Variants in PKIB observed in about 807,000 individuals in gnomAD.
PKIB encodes PKI-beta.
In PKIB, 2 loss-of-function variants were observed where a neutral mutation model predicts 4.5. The observed-to-expected ratio is 0.44, with a 90% CI of 0.18 to 1.39. The LOEUF (loss-of-function observed/expected upper bound fraction) is 1.39. Ranked by LOEUF, PKIB falls within the 40% of genes most tolerant of loss-of-function variation. The pLI, the probability that PKIB is intolerant of heterozygous loss-of-function variation, is 0.27. For synonymous variants in PKIB, 38 were observed against 36.0 expected, an observed-to-expected ratio of 1.06 and a Z score of -0.20; for missense variants, 94 against 92.6, an observed-to-expected ratio of 1.02 and a Z score of -0.06.
intron 3 of PKIB, among the ~76,000 whole-genome samples, chr6:122,700,073 A>G (rs553856469): frequency 1.3e-5 from 2 of 152,290 alleles, no homozygotes; most frequent in South Asian, 4.1e-4. Context: ...GAGGCACAAA[A>G]GCCAATCAGT....
intron 4 of PKIB, among the ~76,000 whole-genome samples, chr6:122,723,446 T>C (rs1204257506): frequency 6.6e-6 from 1 of 152,128 alleles, no homozygotes; most frequent in Non-Finnish European, 1.5e-5. Context: ...TTGCCAAAAA[T>C]ATTGGAATCA....
chr6:122,650,003 T>G (rs1776485726), intron 2 of PKIB, among the ~76,000 whole-genome samples: 2 of 152,162 alleles, frequency 1.3e-5, no homozygotes, highest in Admixed American at 1.3e-4. Flanking sequence ...CTTATTTGGG[T>G]ACCCACCTAA....
At position 122,602,589 on chromosome 6, in the gene PKIB, C is replaced by T. The variant is rs540496107; in HGVS notation, c.-161+16582C>T. Among the ~76,000 whole-genome samples the T allele has an allele frequency of 1.1e-4, 17 of 151,908 alleles. No homozygotes were observed. In the East Asian group the frequency reaches 3.3e-3, roughly 29 times the overall value. On this transcript the variant is annotated intron_variant, in intron 3 of 6. Coordinates refer to the PKIB transcript ENST00000392491. ...AAGGGTAATTCCTTACAAAAAAAGA[C>T]AAAAAACAAACTAACAAAAAATCCT...
chr6:122,485,067 T>C (rs1454219878), intron 2 of PKIB, among the ~76,000 whole-genome samples: 1 of 152,188 alleles, frequency 6.6e-6, no homozygotes, highest in Non-Finnish European at 1.5e-5. Context: ...TTTTTTGGCC[T>C]ATAAATCTGC....
At chr6:122,553,935 G>A (rs1772764224) in intron 2 of PKIB, among the ~76,000 whole-genome samples, 2 of 152,194 alleles carry the variant, frequency 1.3e-5, no homozygotes, top group African/African-American at 4.8e-5. Flanking sequence ...AATAAATCAT[G>A]TGAATGGAGC....
At chr6:122,591,631 T>C (rs1442804148) in intron 3 of PKIB, among the ~76,000 whole-genome samples, 1 of 152,230 alleles carries the variant, frequency 6.6e-6, no homozygotes, top group Admixed American at 6.5e-5. Context: ...TCTAAGCATC[T>C]TTCATTTTGT....
chr6:122,709,631 T>C (rs1437633458), intron 3 of PKIB, among the ~76,000 whole-genome samples: 1 of 152,184 alleles, frequency 6.6e-6, no homozygotes, highest in Non-Finnish European at 1.5e-5. Flanking sequence ...AATATGTGGC[T>C]ACTTAAAGTA....
chr6:122,501,961 A>AT (rs925295544), intron 2 of PKIB, among the ~76,000 whole-genome samples: 5 of 86,648 alleles, frequency 5.8e-5, no homozygotes, highest in South Asian at 3.5e-4. Context: ...ATTTTATTTT[A>AT]TTTTTTTCGA....
chr6:122,665,482 C>T (rs1777181840), intron 2 of PKIB, among the ~76,000 whole-genome samples: 2 of 152,020 alleles, frequency 1.3e-5, no homozygotes, highest in Admixed American at 6.6e-5. Context: ...GAATAAGATC[C>T]TTCTAATGCA....
chr6:122,637,754 CA>C (rs35786177), intron 2 of PKIB, among the ~76,000 whole-genome samples: 46,809 of 117,996 alleles, frequency 0.4, 7,877 homozygotes, highest in Middle Eastern at 0.49. Flanking sequence ...GACTCCGTCT[CA>C]AAAAAAAAAA....
intron 3 of PKIB, among the ~76,000 whole-genome samples, chr6:122,596,253 A>T (rs189572464): frequency 1.3e-5 from 2 of 152,306 alleles, no homozygotes; most frequent in Admixed American, 6.5e-5. Flanking sequence ...CCAGCCTGTC[A>T]TGCAGAACCA....
rs138581080 is a variant in PKIB at position 122,674,671 on chromosome 6, A to G, written c.-75-407A>G. Among the ~76,000 whole-genome samples, 517 of 152,290 alleles carry G rather than the reference A, an allele frequency of 3.4e-3. 1 individual carries two copies. Among genetic ancestry groups the G allele is most frequent in the Non-Finnish European group, 5.9e-3 (402 of 68,020 alleles). On this transcript the variant is annotated intron_variant, in intron 2 of 4. Transcript: ENST00000368452. ...AGATTCTCTACAATTATATTCTCAAAGTCTGGTGTGTTTCTACAAACTTCC... is the reference window on the plus strand; with the variant it reads ...AGATTCTCTACAATTATATTCTCAAGGTCTGGTGTGTTTCTACAAACTTCC...
intron 2 of PKIB, among the ~76,000 whole-genome samples, chr6:122,585,078 A>T (rs1773812670): frequency 6.6e-6 from 1 of 152,032 alleles, no homozygotes; most frequent in Non-Finnish European, 1.5e-5. Context: ...ATATGACTGC[A>T]GGACTGCCTC....
chr6:122,575,254 G>C (rs1297193416), intron 2 of PKIB, among the ~76,000 whole-genome samples: 2 of 152,102 alleles, frequency 1.3e-5, no homozygotes, highest in Non-Finnish European at 2.9e-5. Context: ...AAAAACAATA[G>C]ATGTTGGCAT....
At chr6:122,676,710 A>G (rs1456627734) in intron 3 of PKIB, among the ~76,000 whole-genome samples, 1 of 152,198 alleles carries the variant, frequency 6.6e-6, no homozygotes, top group African/African-American at 2.4e-5. Flanking sequence ...AATAAAACTG[A>G]CCAACAGGAA....
intron 2 of PKIB, among the ~76,000 whole-genome samples, chr6:122,651,835 C>T (rs1776567424): frequency 6.6e-6 from 1 of 152,234 alleles, no homozygotes; most frequent in East Asian, 1.9e-4. Context: ...TTTCCATTTT[C>T]CATAGTACAG....
intron 3 of PKIB, among the ~76,000 whole-genome samples, chr6:122,705,273 C>T (rs1779008802): frequency 6.6e-6 from 1 of 152,052 alleles, no homozygotes; most frequent in Admixed American, 6.6e-5. Flanking sequence ...AATCAATGGA[C>T]AATAAGAGTG....
chr6:122,489,348 A>G (rs1168101004), intron 2 of PKIB, among the ~76,000 whole-genome samples: 3 of 152,010 alleles, frequency 2.0e-5, no homozygotes, highest in Non-Finnish European at 2.9e-5. Context: ...CCCAGGTTCA[A>G]TTTATTCTCC....
rs192073550 is a variant in PKIB, at chr6:122,564,739, C to T, written c.-247-21182C>T. Among the ~76,000 whole-genome samples the T allele has an allele frequency of 3.4e-3, 519 of 152,188 alleles. 4 individuals are homozygous for T. Among genetic ancestry groups the T allele is most frequent in the African/African-American group, 0.012 (478 of 41,536 alleles). The stretch of plus-strand genomic sequence containing the variant: ...TCATATTCTTAAGTAAATTACTTGA[C>T]ATTTGCTATTGACATTGGGAAGGAC... On this transcript the variant is annotated intron_variant, in intron 2 of 6. Coordinates refer to the PKIB transcript ENST00000392491.
Sources: gnomAD v4.1 joint callset for allele counts (sites outside exome capture counted in the v4.1 genomes callset) on GRCh38, gnomAD v4.1.1 for gene constraint, MANE v1.5 for transcripts, NCBI Gene and HGNC (gene_info 2026-07-23, HGNC 2026-07-21) for gene names.